ST3GAL2: variants seen among roughly 807,000 people sequenced by gnomAD.
ST3GAL2 encodes the protein ST3 beta-galactoside alpha-2,3-sialyltransferase 2.
A neutral mutation model predicts 37.5 loss-of-function variants in ST3GAL2; 16 were observed. That is an observed-to-expected ratio of 0.43 (90% CI 0.29 to 0.65). The LOEUF (loss-of-function observed/expected upper bound fraction) is 0.65, where lower values mean the gene tolerates loss of function less well. Ranked by LOEUF, ST3GAL2 falls within the 30% of genes least tolerant of loss-of-function variation. The pLI is 0.17. For synonymous variants in ST3GAL2, 238 were observed against 202.9 expected (o/e 1.17, Z -1.47); for missense variants, 383 against 487.8 (o/e 0.79, Z 2.02).
chr16:70,394,094 C>T (rs2047499634), intron 3 of ST3GAL2, among the ~76,000 whole-genome samples: 1 of 152,126 alleles, frequency 6.6e-6, no homozygotes, highest in South Asian at 2.1e-4. Context: ...GTGAGCCTGC[C>T]CCCTATTCCC....
In ST3GAL2 at chr16:70,392,686, T is replaced by C. The variant is rs529662067; in HGVS notation, c.533+2296A>G. ...GGGGCACAGGTGGATCAGGCCATCATCTCGCTGTAACTCAGCTCAGCCCTC... is the reference window on the plus strand; with the variant it reads ...GGGGCACAGGTGGATCAGGCCATCACCTCGCTGTAACTCAGCTCAGCCCTC... On this transcript the variant is annotated intron_variant, in intron 3 of 6. Coordinates refer to ENST00000342907, the MANE Select transcript of ST3GAL2 (RefSeq NM_006927.4). 1.4e-4 allele frequency among the ~76,000 whole-genome samples: 21 copies of C among 152,286 alleles called. No homozygotes were observed. The South Asian group carries it at 4.3e-3, about 32-fold the overall frequency.
intron 1 of ST3GAL2, among the ~76,000 whole-genome samples, chr16:70,413,883 T>C (rs2047657349): frequency 6.6e-6 from 1 of 152,182 alleles, no homozygotes; most frequent in Non-Finnish European, 1.5e-5. Flanking sequence ...ATGCTCCAAA[T>C]GGAACACTTT....
At chr16:70,398,083 G>C (rs2047529071) in intron 2 of ST3GAL2, 109 bp downstream of exon 2, 1 of 1,138,740 alleles carries the variant, frequency 8.8e-7, no homozygotes, top group Admixed American at 2.4e-5. Context: ...TAAATGGCTT[G>C]GTCAAACAGG....
chr16:70,413,250 CA>C (rs58711604), intron 1 of ST3GAL2, among the ~76,000 whole-genome samples: 11,394 of 104,714 alleles, frequency 0.11, 1,416 homozygotes, highest in African/African-American at 0.33. Context: ...AACTCTGTCT[CA>C]AAAAAAAAAA....
At chr16:70,428,564 T>C (rs1317163056) in intron 1 of ST3GAL2, among the ~76,000 whole-genome samples, 1 of 152,172 alleles carries the variant, frequency 6.6e-6, no homozygotes, top group Admixed American at 6.5e-5. Context: ...GGGTGGGGCT[T>C]GGGGCCCATC....
At chr16:70,424,893 G>A (rs1325071867) in intron 1 of ST3GAL2, among the ~76,000 whole-genome samples, 1 of 152,190 alleles carries the variant, frequency 6.6e-6, no homozygotes, top group Non-Finnish European at 1.5e-5. Context: ...GCCTGCTGGA[G>A]TCCTGGGTTC....
chr16:70,390,650 G>A (rs992611462), intron 3 of ST3GAL2, among the ~76,000 whole-genome samples: 1 of 152,128 alleles, frequency 6.6e-6, no homozygotes, highest in Admixed American at 6.5e-5. Context: ...CTGGTGATGT[G>A]CAATGTCCCC....
At position 70,380,277 on chromosome 16, in the gene ST3GAL2, G is replaced by A. The variant is rs1373347700; in HGVS notation, c.*1412C>T. ...CCTCCCCTAACAAAGTCCCCTGCCG[G>A]TCCCTGTTCCCTCAGCCAGCTGCAG... On this transcript the variant is annotated 3_prime_UTR_variant, in exon 7 of 7. Transcript: ENST00000342907. 6.6e-6 allele frequency: 1 copy of A among 152,264 alleles called. No homozygotes were observed. Among genetic ancestry groups the A allele is most frequent in the Non-Finnish European group, 1.5e-5 (1 of 68,078 alleles). The allele number at this position is 152,264 out of a possible 1,614,324, so 9.4% of individuals were successfully genotyped here. A position where few individuals can be genotyped will look rare whatever the true frequency, so the allele number is the denominator to read the frequency against.
intron 1 of ST3GAL2, among the ~76,000 whole-genome samples, chr16:70,429,542 T>G (rs2047774080): frequency 8.0e-6 from 1 of 125,170 alleles, no homozygotes; most frequent in African/African-American, 3.2e-5. Flanking sequence ...TGAGCCGAGA[T>G]CGCGCCACTG....
At chr16:70,424,330 A>G (rs2151677019) in intron 1 of ST3GAL2, among the ~76,000 whole-genome samples, 1 of 148,348 alleles carries the variant, frequency 6.7e-6, no homozygotes, top group South Asian at 2.3e-4. Flanking sequence ...GGCTGGGCAC[A>G]ATGGCTAATG....
intron 4 of ST3GAL2, among the ~76,000 whole-genome samples, chr16:70,383,547 CA>C (rs374735305): frequency 9.9e-4 from 68 of 68,522 alleles, no homozygotes; most frequent in Admixed American, 1.4e-3. Context: ...GTGAGACTGT[CA>C]AAAAAAAAAA....
chr16:70,403,159 G>A (rs2047567318), intron 1 of ST3GAL2, among the ~76,000 whole-genome samples: 1 of 152,092 alleles, frequency 6.6e-6, no homozygotes, highest in Admixed American at 6.6e-5. Flanking sequence ...GTGAGAAATG[G>A]CTGGATGTAC....
chr16:70,409,136 C>T (rs941765295), intron 1 of ST3GAL2, among the ~76,000 whole-genome samples: 9 of 151,928 alleles, frequency 5.9e-5, no homozygotes, highest in African/African-American at 1.9e-4. Flanking sequence ...CATGAAGTAA[C>T]GTCTAGAAAA....
rs768211056 is a variant in ST3GAL2, at chr16:70,399,535, T to C, written c.-1003-2A>G. ...GCGCCAGGCTGCCGCAGCACGACCC[T>C]AGAATGGCAGAGAGGAGAAATAATG... On this transcript the variant is annotated splice_acceptor_variant, in intron 1 of 6. Coordinates refer to ENST00000342907, the MANE Select transcript of ST3GAL2 (RefSeq NM_006927.4). LOFTEE classifies it low-confidence loss of function (5UTR_SPLICE). The C allele has an allele frequency of 7.5e-6, 3 of 397,924 alleles. No homozygotes were observed. Among genetic ancestry groups the C allele is most frequent in the Admixed American group, 4.4e-5 (1 of 22,712 alleles). The allele number at this position is 397,924 out of a possible 1,614,324, so 24.6% of individuals were successfully genotyped here. A position where few individuals can be genotyped will look rare whatever the true frequency, so the allele number is the denominator to read the frequency against.
At chr16:70,390,954 A>T (rs1338886716) in intron 3 of ST3GAL2, among the ~76,000 whole-genome samples, 1 of 152,162 alleles carries the variant, frequency 6.6e-6, no homozygotes, top group Non-Finnish European at 1.5e-5. Flanking sequence ...GGGTGACCGT[A>T]ACCTGGCCCT....
At chr16:70,397,096 A>C (rs372858591) in intron 2 of ST3GAL2, among the ~76,000 whole-genome samples, 1 of 137,112 alleles carries the variant, frequency 7.3e-6, no homozygotes, top group Non-Finnish European at 1.5e-5. Flanking sequence ...GCTGGAGTGC[A>C]ATGGTGCAAT....
intron 6 of ST3GAL2, 41 bp from the exon 7 acceptor site, chr16:70,381,903 C>CTGG (rs1460839855): frequency 6.2e-7 from 1 of 1,606,612 alleles, no homozygotes; most frequent in Non-Finnish European, 8.5e-7. Context: ...AGGCGGGGAC[C>CTGG]TGGAGGATGG....
At chr16:70,383,151 A>G in intron 5 of ST3GAL2, 39 bp downstream of exon 5, 2 of 1,610,494 alleles carry the variant, frequency 1.2e-6, no homozygotes, top group Non-Finnish European at 1.7e-6. Context: ...CTGGGCCAGC[A>G]CTGTTTCCAC....
chr16:70,414,689 T>C (rs2047662984), intron 1 of ST3GAL2, among the ~76,000 whole-genome samples: 1 of 152,070 alleles, frequency 6.6e-6, no homozygotes, highest in Non-Finnish European at 1.5e-5. Flanking sequence ...TTGTTTATTT[T>C]TGAGATAGAG....
Sources: allele counts gnomAD v4.1 joint callset (sites outside exome capture counted in the v4.1 genomes callset), GRCh38; gene constraint gnomAD v4.1.1; transcripts MANE v1.5; gene names NCBI Gene and HGNC (gene_info 2026-07-23, HGNC 2026-07-21).